The following NRXN1 variants were observed in gnomAD, a reference collection of about 807,000 sequenced individuals.
NRXN1 encodes the protein neurexin 1.
A neutral mutation model predicts 150.9 loss-of-function variants in NRXN1; 39 were observed. That is an observed-to-expected ratio of 0.26 (90% CI 0.20 to 0.34). NRXN1 has a LOEUF of 0.34. Ranked by LOEUF, NRXN1 falls within the 10% of genes least tolerant of loss-of-function variation. The probability of loss-of-function intolerance (pLI) is 1.00; values close to 1 mark genes in which losing one functional copy is unlikely to be tolerated. For missense variants in NRXN1, 1,815 were observed against 1,949.9 expected (o/e 0.93, Z 1.30); for synonymous variants, 924 against 757.0 (o/e 1.22, Z -3.62).
intron 18 of NRXN1, among the ~76,000 whole-genome samples, chr2:50,152,621 T>C (rs962263643): frequency 2.2e-4 from 34 of 151,942 alleles, no homozygotes; most frequent in African/African-American, 7.5e-4. Flanking sequence ...TGCTTTATTT[T>C]TTTATTTTGG....
chr2:50,504,499 G>A (rs1460615213), intron 13 of NRXN1, among the ~76,000 whole-genome samples: 1 of 152,088 alleles, frequency 6.6e-6, no homozygotes, highest in Non-Finnish European at 1.5e-5. Flanking sequence ...AAAGGTATAA[G>A]GGTATTCTTT....
intron 18 of NRXN1, among the ~76,000 whole-genome samples, chr2:50,155,126 T>G (rs2058936186): frequency 6.6e-6 from 1 of 151,674 alleles, no homozygotes; most frequent in South Asian, 2.1e-4. Flanking sequence ...ACTGCCCCAG[T>G]AATGCGATTC....
At chr2:50,401,606 G>A (rs901856304) in intron 17 of NRXN1, among the ~76,000 whole-genome samples, 1 of 152,010 alleles carries the variant, frequency 6.6e-6, no homozygotes, top group South Asian at 2.1e-4. Flanking sequence ...GGGATCCTAC[G>A]TGAGACGTCT....
rs76046878 is a variant in NRXN1, at chr2:49,957,372, C to T, written c.4129-13581G>A. On this transcript the variant is annotated intron_variant, in intron 21 of 22. Transcript: ENST00000401669. The stretch of plus-strand genomic sequence containing the variant: ...ATCATGAATATTTATTACATAGATA[C>T]AACCAGCTTTCAAAATGAATGGCTC... 2.7e-3 allele frequency among the ~76,000 whole-genome samples: 413 copies of T among 152,194 alleles called. 2 individuals are homozygous for T. Among genetic ancestry groups the T allele is most frequent in the African/African-American group, 9.5e-3 (394 of 41,538 alleles).
chr2:50,567,860 C>G (rs1670101517), intron 8 of NRXN1, among the ~76,000 whole-genome samples: 1 of 152,020 alleles, frequency 6.6e-6, no homozygotes, highest in African/African-American at 2.4e-5. Context: ...TTCTTTTAAC[C>G]ACTTTACTCA....
intron 15 of NRXN1, among the ~76,000 whole-genome samples, chr2:50,494,731 T>C (rs1193553835): frequency 1.3e-5 from 2 of 152,168 alleles, no homozygotes; most frequent in Non-Finnish European, 2.9e-5. Flanking sequence ...AGCATTTTTC[T>C]CTAGAAAGAG....
intron 5 of NRXN1, among the ~76,000 whole-genome samples, chr2:50,848,491 G>A (rs1489888776): frequency 2.0e-5 from 3 of 152,108 alleles, no homozygotes; most frequent in Non-Finnish European, 4.4e-5. Context: ...GAGGCAATTG[G>A]TTGCTTTGCT....
rs888048485 is a variant in NRXN1, at chr2:50,407,072, G to T, written c.3364+58370C>A. Among the ~76,000 whole-genome samples the T allele has an allele frequency of 1.8e-4, 28 of 152,054 alleles. No individual in the cohort carries two copies. The East Asian group carries it at 5.2e-3, about 28-fold the overall frequency. On this transcript the variant is annotated intron_variant, in intron 17 of 22. Transcript: ENST00000401669. ...CAGACTCATGATAAACTTATTGATA[G>T]TAGTAATGATATACATTTTTTAAAA... is the stretch of plus-strand genomic sequence containing the variant.
At chr2:50,497,309 G>T in intron 14 of NRXN1, 24 bp downstream of exon 14, 1 of 1,424,514 alleles carries the variant, frequency 7.0e-7, no homozygotes, top group Non-Finnish European at 9.2e-7. Flanking sequence ...TTATTTATTT[G>T]CTATTGAACA....
intron 17 of NRXN1, among the ~76,000 whole-genome samples, chr2:50,307,835 A>C (rs774484432): frequency 5.9e-5 from 9 of 152,222 alleles, no homozygotes; most frequent in Non-Finnish European, 1.0e-4. Context: ...TTGTATGAAC[A>C]CTAGAAAAAA....
chr2:50,603,348 G>T (rs1045972759), intron 8 of NRXN1, among the ~76,000 whole-genome samples: 2 of 152,162 alleles, frequency 1.3e-5, no homozygotes, highest in African/African-American at 4.8e-5. Flanking sequence ...GGCTGGCTCA[G>T]AAAGGCTGTG....
At chr2:50,190,500 G>A (rs1338153551) in intron 18 of NRXN1, among the ~76,000 whole-genome samples, 1 of 151,756 alleles carries the variant, frequency 6.6e-6, no homozygotes, top group South Asian at 2.1e-4. Flanking sequence ...GGCTTTATTT[G>A]ATAGCTTAAT....
At chr2:50,890,293 T>G (rs1174868865) in intron 5 of NRXN1, among the ~76,000 whole-genome samples, 3 of 151,840 alleles carry the variant, frequency 2.0e-5, no homozygotes, top group Non-Finnish European at 4.4e-5. Context: ...AAAATATATT[T>G]TGGATCACTC....
Position 50,347,021 on chromosome 2 carries a change from G to T in NRXN1, c.3365-110051C>A. On this transcript the variant is annotated intron_variant, in intron 17 of 22. Transcript: ENST00000401669. The surrounding 1 kb of genome is among the most constrained non-coding windows in gnomAD (Gnocchi z 4.9). ...GGGCGCGGGGAGAGGAGAGGGCGCA[G>T]GGGAGCGGGCGGCGCGGAGTGGGCT... 1.4e-6 allele frequency: 2 copies of T among 1,389,178 alleles called. No individual in the cohort carries two copies. The highest frequency in any genetic ancestry group is 1.3e-5 in the South Asian group (1 of 77,632). The allele number at this position is 1,389,178 out of a possible 1,614,324, so 86.1% of individuals were successfully genotyped here.
intron 5 of NRXN1, among the ~76,000 whole-genome samples, chr2:50,757,828 T>C (rs1425932322): frequency 6.6e-6 from 1 of 151,582 alleles, no homozygotes; most frequent in African/African-American, 2.4e-5. Context: ...GCTGTGAAAG[T>C]GCAAGACATA....
chr2:50,157,080 A>T (rs1217157336), intron 18 of NRXN1, among the ~76,000 whole-genome samples: 1 of 152,032 alleles, frequency 6.6e-6, no homozygotes, highest in African/African-American at 2.4e-5. Context: ...ACATAGAGGT[A>T]CACAGGTGGG....
intron 17 of NRXN1, among the ~76,000 whole-genome samples, chr2:50,268,913 C>T (rs539298188): frequency 3.3e-5 from 5 of 152,200 alleles, no homozygotes; most frequent in African/African-American, 1.2e-4. Context: ...GTTAATGAAA[C>T]GATGCTTCAT....
intron 17 of NRXN1, among the ~76,000 whole-genome samples, chr2:50,256,941 C>T (rs2067758285): frequency 6.6e-6 from 1 of 151,924 alleles, no homozygotes; most frequent in African/African-American, 2.4e-5. Context: ...TGAAATGTGA[C>T]TATTATGTGA....
rs1489397500 is a variant in NRXN1, at chr2:50,496,001, T to C, written c.2974A>G (p.Met992Val). 14 of 1,613,620 alleles carry C rather than the reference T, an allele frequency of 8.7e-6. No individual in the cohort carries two copies. The highest frequency in any genetic ancestry group is 1.2e-5 in the Non-Finnish European group (14 of 1,179,768). The change falls in exon 15 of 23, where the codon ATG becomes GTG. Residue 992 changes from methionine to valine, a missense_variant. Met to Val is a conservative substitution (Grantham distance 21, BLOSUM62 1). Coordinates refer to ENST00000401669, the MANE Select transcript of NRXN1 (RefSeq NM_001330078.2). ...AGGTTGCTGGTGTCCCTTGATATCA[T>C]CACGTTGTGCCACTGATTGTCATTG... Reference protein sequence around the residue: ...PLNDNQWHNVMISRDTSNLHT... With the variant: ...PLNDNQWHNVVISRDTSNLHT...
Sources: allele counts gnomAD v4.1 joint callset (sites outside exome capture counted in the v4.1 genomes callset), GRCh38; gene constraint gnomAD v4.1.1; non-coding constraint Gnocchi (gnomAD v3.1); transcripts MANE v1.5; gene names NCBI Gene and HGNC (gene_info 2026-07-23, HGNC 2026-07-21).